The following PLCE1 variants were observed in gnomAD, a reference collection of about 807,000 sequenced individuals.
PLCE1 encodes 1-phosphatidylinositol 4,5-bisphosphate phosphodiesterase epsilon-1.
A neutral mutation model predicts 242.8 loss-of-function variants in PLCE1; 119 were observed. The ratio of observed to expected loss-of-function variants is 0.49; its 90% CI spans 0.42 to 0.57. The LOEUF is 0.57. Ranked by LOEUF, PLCE1 falls within the 20% of genes least tolerant of loss-of-function variation. The probability of loss-of-function intolerance (pLI) is 0.00; values close to 1 mark genes in which losing one functional copy is unlikely to be tolerated. For missense variants in PLCE1, 2,441 were observed against 2,788.8 expected (o/e 0.88, Z 2.81); for synonymous variants, 945 against 1,017.4 (o/e 0.93, Z 1.35).
chr10:94,137,125 A>G (rs948931291), intron 3 of PLCE1, among the ~76,000 whole-genome samples: 5 of 152,158 alleles, frequency 3.3e-5, no homozygotes, highest in African/African-American at 1.2e-4. Context: ...CCCGGGAGGC[A>G]GAGCTTGCAG....
intron 4 of PLCE1, among the ~76,000 whole-genome samples, chr10:94,226,532 TG>T (rs1487613531): frequency 6.6e-6 from 1 of 152,178 alleles, no homozygotes; most frequent in Non-Finnish European, 1.5e-5. Context: ...CATAATATTT[TG>T]TCATTTGAGG....
intron 29 of PLCE1, 123 bp downstream of exon 29, chr10:94,316,879 A>C (rs1241025805): frequency 1.4e-6 from 1 of 734,068 alleles, no homozygotes; most frequent in African/African-American, 1.7e-5. Context: ...ATTCTTCTTA[A>C]GTAAATGTGG....
chr10:94,292,849 T>C (rs1052274449), intron 22 of PLCE1, among the ~76,000 whole-genome samples: 6 of 152,240 alleles, frequency 3.9e-5, no homozygotes, highest in Admixed American at 2.0e-4. Flanking sequence ...GAGCCAGGTC[T>C]ATGTGGTTTG....
At chr10:94,275,992 C>T (rs1385776668) in intron 19 of PLCE1, among the ~76,000 whole-genome samples, 1 of 152,156 alleles carries the variant, frequency 6.6e-6, no homozygotes, top group Non-Finnish European at 1.5e-5. Flanking sequence ...GGGAGCCTCA[C>T]ATTTATCTCT....
intron 22 of PLCE1, among the ~76,000 whole-genome samples, chr10:94,292,496 A>G (rs1161775931): frequency 2.6e-5 from 4 of 152,200 alleles, no homozygotes; most frequent in African/African-American, 9.6e-5. Flanking sequence ...GATAAGGGAT[A>G]TTCAGCCTGT....
intron 2 of PLCE1, among the ~76,000 whole-genome samples, chr10:94,121,344 G>A (rs1405053330): frequency 6.6e-6 from 1 of 152,200 alleles, no homozygotes; most frequent in Non-Finnish European, 1.5e-5. Context: ...GGAGCTGAGT[G>A]GAAGAACAGA....
rs1315950279 is a variant in PLCE1, at chr10:94,324,423, G to C, written c.6576G>C (p.Glu2192Asp). 7 of 1,614,058 alleles carry C rather than the reference G, an allele frequency of 4.3e-6. No individual in the cohort carries two copies. The highest frequency in any genetic ancestry group is 5.9e-6 in the Non-Finnish European group (7 of 1,180,042). The change falls in exon 31 of 33, where the codon GAG becomes GAC. Residue 2192 changes from glutamate (E) to aspartate (D), a missense_variant. Coordinates refer to ENST00000371380, the MANE Select transcript of PLCE1 (RefSeq NM_016341.4). The stretch of plus-strand genomic sequence containing the variant: ...CAAGCGACTATGTGCTTTTGGAAGA[G>C]GTGGTGAAAGACACTACCAACAAGA... Reference protein sequence around the residue: ...PNPSDYVLLEEVVKDTTNKKT... With the variant: ...PNPSDYVLLEDVVKDTTNKKT...
chr10:94,293,498 A>T lies in PLCE1; in HGVS notation c.5036-10A>T. On this transcript the variant is annotated splice_polypyrimidine_tract_variant and intron_variant, in intron 22 of 32. Transcript: ENST00000371380. Reference sequence around the variant, plus strand: ...TTTTTGGCTTATTTATTTTCATTTTATGGGAACAGGACTGTCAACTCTAAA... The same window carrying T: ...TTTTTGGCTTATTTATTTTCATTTTTTGGGAACAGGACTGTCAACTCTAAA... The T allele has an allele frequency of 6.2e-7, 1 of 1,612,958 alleles. No individual in the cohort carries two copies. Among genetic ancestry groups the T allele is most frequent in the Non-Finnish European group, 8.5e-7 (1 of 1,179,250 alleles).
At chr10:94,008,531 A>T (rs1002611207) in intron 1 of PLCE1, among the ~76,000 whole-genome samples, 3 of 152,024 alleles carry the variant, frequency 2.0e-5, no homozygotes, top group African/African-American at 7.2e-5. Flanking sequence ...CTGGTCTCGA[A>T]CTCCTGACCT....
rs539514596 is a variant in PLCE1 at position 94,076,043 on chromosome 10, C to A, written c.1206+43791C>A. Among the ~76,000 whole-genome samples the A allele has an allele frequency of 3.6e-4, 55 of 152,128 alleles. 3 individuals are homozygous for A. The South Asian group carries it at 0.011, about 31-fold the overall frequency. On this transcript the variant is annotated intron_variant, in intron 2 of 32. Transcript: ENST00000371380. ...GAGAGGTTAAGTGATGTGCTCAAGG[C>A]CAAATCCTAGTCAATGGAAAAGTCT...
intron 5 of PLCE1, among the ~76,000 whole-genome samples, chr10:94,228,233 G>C (rs1222481797): frequency 1.7e-5 from 1 of 57,888 alleles, no homozygotes; most frequent in East Asian, 1.4e-3. Flanking sequence ...CTGGCATAAA[G>C]TAACTGTTCT....
intron 2 of PLCE1, 63 bp from the exon 3 acceptor site, chr10:94,132,111 A>G: frequency 6.5e-7 from 1 of 1,530,960 alleles, no homozygotes; most frequent in East Asian, 2.3e-5. Context: ...CATTTTGTCA[A>G]CAAGTTAATT....
chr10:94,203,322 T>C (rs1238392640), intron 4 of PLCE1, among the ~76,000 whole-genome samples: 2 of 152,180 alleles, frequency 1.3e-5, no homozygotes, highest in Non-Finnish European at 2.9e-5. Context: ...TTTATCCAAG[T>C]TAGCATTCCT....
chr10:94,171,273 T>C lies in PLCE1; in HGVS notation c.1586T>C (p.Ile529Thr), dbSNP rs761968908. ...GAGCTGATCGATCTGCAGCCTCTCA[T>C]CCAGTTCCCAGAGGAAGTCGCCAGC... Reference protein sequence around the residue: ...SKELIDLQPLIQFPEEVASIL... With the variant: ...SKELIDLQPLTQFPEEVASIL... Residue 529 changes from isoleucine to threonine, a missense_variant, in exon 4 of 33, where the codon ATC becomes ACC. Transcript: ENST00000371380. 5 of 1,614,006 alleles carry C rather than the reference T, an allele frequency of 3.1e-6. No homozygotes were observed. The highest frequency in any genetic ancestry group is 2.2e-5 in the East Asian group (1 of 44,886).
intron 2 of PLCE1, among the ~76,000 whole-genome samples, chr10:94,040,382 A>T (rs1175169087): frequency 1.3e-5 from 2 of 151,684 alleles, no homozygotes; most frequent in Non-Finnish European, 2.9e-5. Flanking sequence ...TTTTTTTATT[A>T]TCCAAACTCT....
intron 2 of PLCE1, among the ~76,000 whole-genome samples, chr10:94,044,725 A>G (rs1038614564): frequency 5.9e-5 from 9 of 152,324 alleles, no homozygotes; most frequent in African/African-American, 2.2e-4. Context: ...GCCCTTCTAC[A>G]GGGCACAACC....
At chr10:94,155,140 C>T (rs953106916) in intron 3 of PLCE1, among the ~76,000 whole-genome samples, 1 of 151,618 alleles carries the variant, frequency 6.6e-6, no homozygotes, top group Admixed American at 6.6e-5. Context: ...AGTTATATAC[C>T]CAAGAGAAGT....
In PLCE1 at chr10:94,201,588, G is replaced by A. The variant is rs185879771; in HGVS notation, c.1810-25718G>A. 2.2e-3 allele frequency among the ~76,000 whole-genome samples: 335 copies of A among 152,234 alleles called. 1 individual carries two copies. The highest frequency in any genetic ancestry group is 3.9e-3 in the Non-Finnish European group (266 of 68,020). ...CCTCCTGGGTTCACGCCATTCTCCCGCCTCAGCCTCCTGAGTAGCTGGGAC... is the reference window on the plus strand; with the variant it reads ...CCTCCTGGGTTCACGCCATTCTCCCACCTCAGCCTCCTGAGTAGCTGGGAC... On this transcript the variant is annotated intron_variant, in intron 4 of 32. Coordinates refer to ENST00000371380, the MANE Select transcript of PLCE1 (RefSeq NM_016341.4).
intron 2 of PLCE1, among the ~76,000 whole-genome samples, chr10:94,126,922 T>C (rs1354079059): frequency 6.6e-6 from 1 of 152,154 alleles, no homozygotes; most frequent in African/African-American, 2.4e-5. Flanking sequence ...TATCCCACTG[T>C]TGGGCTTTGA....
Sources: gnomAD v4.1 joint callset for allele counts (sites outside exome capture counted in the v4.1 genomes callset) on GRCh38, gnomAD v4.1.1 for gene constraint, MANE v1.5 for transcripts, NCBI Gene and HGNC (gene_info 2026-07-23, HGNC 2026-07-21) for gene names.